Variants in GALT observed in about 807,000 individuals in gnomAD.
GALT encodes the protein galactose-1-phosphate uridylyltransferase.
GALT carries 42 observed loss-of-function variants against 55.4 expected under a neutral mutation model. The ratio of observed to expected loss-of-function variants is 0.76; its 90% CI spans 0.59 to 0.98. The LOEUF (loss-of-function observed/expected upper bound fraction) is 0.98, where lower values mean the gene tolerates loss of function less well. Ranked by LOEUF, GALT falls within the 50% of genes least tolerant of loss-of-function variation. GALT has a pLI of 0.00. For synonymous variants in GALT, 154 were observed against 181.5 expected, an observed-to-expected ratio of 0.85 and a Z score of 1.22; for missense variants, 407 against 495.7, an observed-to-expected ratio of 0.82 and a Z score of 1.70.
In GALT at chr9:34,649,019, A is replaced by C. The variant is rs1328504956; in HGVS notation, c.842A>C (p.Lys281Thr). Residue 281 changes from lysine to threonine, a missense_variant, in exon 9 of 11, where the codon AAG becomes ACG. Lys to Thr is a moderately conservative substitution (Grantham distance 78). Transcript: ENST00000378842. Reference sequence around the variant, plus strand: ...CCAGATCTAGCCTCCATCATGAAGAAGCTCTTGACCAAGTATGACAACCTC... The same window carrying C: ...CCAGATCTAGCCTCCATCATGAAGACGCTCTTGACCAAGTATGACAACCTC... ...ERDDLASIMKKLLTKYDNLFE... is the reference protein window; with the variant it reads ...ERDDLASIMKTLLTKYDNLFE... 9.3e-6 allele frequency: 15 copies of C among 1,614,108 alleles called. No individual in the cohort carries two copies. Among genetic ancestry groups the C allele is most frequent in the Non-Finnish European group, 1.3e-5 (15 of 1,180,006 alleles).
intron 9 of GALT, 72 bp downstream of exon 9, chr9:34,649,153 T>C: frequency 6.8e-7 from 1 of 1,463,262 alleles, no homozygotes; most frequent in Non-Finnish European, 9.6e-7. Flanking sequence ...CCTAGTGAAC[T>C]GCAACCTCAA....
chr9:34,650,456 C>T lies in GALT; in HGVS notation c.*7C>T, dbSNP rs930352624. On this transcript the variant is annotated 3_prime_UTR_variant, in exon 11 of 11. Transcript: ENST00000378842. ...GACAGCAACCATCGCCTGACCACGC[C>T]GACCACAGGGCCTTGAATCCTTTTT... 22 of 1,613,404 alleles carry T rather than the reference C, an allele frequency of 1.4e-5. No homozygotes were observed. The highest frequency in any genetic ancestry group is 1.6e-4 in the Middle Eastern group (1 of 6,084).
Position 34,646,742 on chromosome 9 carries a change from A to T in GALT, c.38A>T (p.Gln13Leu). The T allele has an allele frequency of 6.2e-7, 1 of 1,613,694 alleles. No homozygotes were observed. The highest frequency in any genetic ancestry group is 8.5e-7 in the Non-Finnish European group (1 of 1,179,960). ...GGAACCGATCCTCAGCAACGCCAGC[A>T]GGCGTCAGAGGCGGACGCCGCAGCA... is the stretch of plus-strand genomic sequence containing the variant. ...RSGTDPQQRQQASEADAAAAT... is the reference protein window; with the variant it reads ...RSGTDPQQRQLASEADAAAAT... Residue 13 changes from glutamine (Q) to leucine (L), a missense_variant, in exon 1 of 11, where the codon CAG becomes CTG. Gln to Leu is a moderately radical substitution (Grantham distance 113). Coordinates refer to ENST00000378842, the MANE Select transcript of GALT (RefSeq NM_000155.4).
intron 10 of GALT, 135 bp downstream of exon 10, chr9:34,649,699 G>A (rs1338618142): frequency 9.7e-7 from 1 of 1,035,816 alleles, no homozygotes; most frequent in Non-Finnish European, 1.4e-6. Context: ...GACTGCCAAA[G>A]TTAGGAGCCC....
At chr9:34,649,350 G>A (rs1289920864) in intron 9 of GALT, 60 bp from the exon 10 acceptor site, 1 of 1,609,110 alleles carries the variant, frequency 6.2e-7, no homozygotes, top group Non-Finnish European at 8.5e-7. Context: ...GGGAGTAGGT[G>A]CTAACCTGGA....
Position 34,647,053 on chromosome 9 carries a change from G to A in GALT, c.83-36G>A. ...GAGACCCAGGAGAGAGGGAGCTAGA[G>A]AGCTCTGAGGACTGATCTTGACTGT... On this transcript the variant is annotated intron_variant, in intron 1 of 10. Transcript: ENST00000378842. The surrounding 1 kb of genome is among the most constrained non-coding windows in gnomAD (Gnocchi z 5.6). The A allele has an allele frequency of 6.2e-7, 1 of 1,613,908 alleles. No individual in the cohort carries two copies. The highest frequency in any genetic ancestry group is 8.5e-7 in the Non-Finnish European group (1 of 1,179,950).
Position 34,650,448 on chromosome 9 carries a change from G to A in GALT, c.1139G>A (p.Ter380=), listed in dbSNP as rs749047676. 4.3e-6 allele frequency: 7 copies of A among 1,613,750 alleles called. No individual in the cohort carries two copies. The highest frequency in any genetic ancestry group is 2.2e-5 in the East Asian group (1 of 44,884). The part of the protein sequence containing the change: ...QKDRETATIA[*] ...GACAGGGAGACAGCAACCATCGCCT[G>A]ACCACGCCGACCACAGGGCCTTGAA... The change falls in exon 11 of 11, where the codon TGA becomes TAA. Residue 380 remains the stop codon, a stop_retained_variant. Coordinates refer to ENST00000378842, the MANE Select transcript of GALT (RefSeq NM_000155.4).
rs1200609387 is a variant in GALT at position 34,647,993 on chromosome 9, C to T, written c.507+32C>T. Reference sequence around the variant, plus strand: ...GAGGTCGCCCCTTCCCCTGGATGGGCAGGGAGGGGGTGATGAAGCTTTGGT... The same window carrying T: ...GAGGTCGCCCCTTCCCCTGGATGGGTAGGGAGGGGGTGATGAAGCTTTGGT... On this transcript the variant is annotated intron_variant, in intron 5 of 10. Transcript: ENST00000378842. This position sits in a 1 kb window ranked among gnomAD's most constrained non-coding sequence, Gnocchi z 5.6. 6.2e-7 allele frequency: 1 copy of T among 1,614,170 alleles called. No homozygotes were observed. The highest frequency in any genetic ancestry group is 1.1e-5 in the South Asian group (1 of 91,078).
At chr9:34,650,204 C>A in intron 10 of GALT, 165 bp from the exon 11 acceptor site, 1 of 621,968 alleles carries the variant, frequency 1.6e-6, no homozygotes, top group Non-Finnish European at 2.8e-6. Context: ...CACTTGGGCC[C>A]AGGAGTTTGA....
rs759875751 is a variant in GALT, at chr9:34,647,297, G to A, written c.252+39G>A. 6 of 1,613,020 alleles carry A rather than the reference G, an allele frequency of 3.7e-6. No homozygotes were observed. The highest frequency in any genetic ancestry group is 5.1e-6 in the Non-Finnish European group (6 of 1,179,358). ...GCCCTGCATCTGCAGGCTGGGCCAC[G>A]GGGAGTAGTTCCCTCTTAGAACTGT... On this transcript the variant is annotated intron_variant, in intron 2 of 10. Transcript: ENST00000378842. The surrounding 1 kb of genome is among the most constrained non-coding windows in gnomAD (Gnocchi z 5.6).
chr9:34,649,689 G>T (rs974494512), intron 10 of GALT, 125 bp downstream of exon 10: 4 of 1,166,950 alleles, frequency 3.4e-6, no homozygotes, highest in South Asian at 1.3e-5. Context: ...GGCAGGAAGG[G>T]ACTGCCAAAG....
rs1197254310 is a variant in GALT, at chr9:34,647,736, C to G, written c.377+31C>G. 2 of 1,614,026 alleles carry G rather than the reference C, an allele frequency of 1.2e-6. No homozygotes were observed. Among genetic ancestry groups the G allele is most frequent in the African/African-American group, 2.7e-5 (2 of 74,926 alleles). On this transcript the variant is annotated intron_variant, in intron 4 of 10. Transcript: ENST00000378842. The surrounding 1 kb of genome is among the most constrained non-coding windows in gnomAD (Gnocchi z 5.6). ...TATGGATTTCCCCTCTTACAACTTT[C>G]AAACCAGAGTTGGAGACTCAGCATT...
In GALT at chr9:34,647,799, C is replaced by T. The variant is rs1587238313; in HGVS notation, c.378-33C>T. On this transcript the variant is annotated intron_variant, in intron 4 of 10. Coordinates refer to ENST00000378842, the MANE Select transcript of GALT (RefSeq NM_000155.4). The surrounding 1 kb of genome is among the most constrained non-coding windows in gnomAD (Gnocchi z 5.6). ...TGCCCGTAGCACAGCCAAGCCCTAC[C>T]TCTCGGTTATCTTTTCTCCCGTCAC... 1 of 1,614,190 alleles carries T rather than the reference C, an allele frequency of 6.2e-7. No homozygotes were observed. The highest frequency in any genetic ancestry group is 1.7e-5 in the Admixed American group (1 of 60,028).
intron 10 of GALT, 85 bp downstream of exon 10, chr9:34,649,649 C>T: frequency 6.0e-6 from 9 of 1,502,398 alleles, no homozygotes; most frequent in Admixed American, 1.7e-5. Context: ...CCTTGTGCTC[C>T]AGTCATTGCA....
rs1045647589 is a variant in GALT, at chr9:34,650,809, A to C, written c.*360A>C. ...CATTCCCAGTTTAGGAAACTGTTTTAAAATCTTGTGTCTTGGTTGTGGCTG... is the reference window on the plus strand; with the variant it reads ...CATTCCCAGTTTAGGAAACTGTTTTCAAATCTTGTGTCTTGGTTGTGGCTG... On this transcript the variant is annotated 3_prime_UTR_variant, in exon 11 of 11. Coordinates refer to ENST00000378842, the MANE Select transcript of GALT (RefSeq NM_000155.4). The C allele has an allele frequency of 1.6e-5, 4 of 244,072 alleles. No homozygotes were observed. The highest frequency in any genetic ancestry group is 5.2e-5 in the Admixed American group (1 of 19,232). The allele number at this position is 244,072 out of a possible 1,614,324, so 15.1% of individuals were successfully genotyped here.
At position 34,650,657 on chromosome 9, in the gene GALT, T is replaced by C; in HGVS notation, c.*208T>C. 2 of 581,464 alleles carry C rather than the reference T, an allele frequency of 3.4e-6. No homozygotes were observed. The highest frequency in any genetic ancestry group is 2.1e-5 in the South Asian group (1 of 47,988). 36.0% of individuals were successfully genotyped at this position (581,464 alleles called of 1,614,324 possible). A position where few individuals can be genotyped will look rare whatever the true frequency, so the allele number is the denominator to read the frequency against. ...TAAAAGCTAAAGGCATAGCTCCAGC[T>C]ACAACTTTTCTTTGTCTACAGATGT... On this transcript the variant is annotated 3_prime_UTR_variant, in exon 11 of 11. Transcript: ENST00000378842.
At chr9:34,646,910 C>T in intron 1 of GALT, 124 bp downstream of exon 1, 1 of 1,607,406 alleles carries the variant, frequency 6.2e-7, no homozygotes, top group Non-Finnish European at 8.5e-7. Flanking sequence ...GGCGTACAGT[C>T]TGCAGGCCTG....
intron 9 of GALT, 149 bp downstream of exon 9, chr9:34,649,230 A>C (rs1821192165): frequency 1.7e-6 from 2 of 1,179,310 alleles, no homozygotes; most frequent in South Asian, 2.4e-5. Context: ...CTGAGGGTGG[A>C]GCAGCAAACT....
chr9:34,648,644 G>A lies in GALT; in HGVS notation c.688-118G>A. On this transcript the variant is annotated intron_variant, in intron 7 of 10. Transcript: ENST00000378842. The surrounding 1 kb of genome is among the most constrained non-coding windows in gnomAD (Gnocchi z 4.9). ...GACTCGGGTGGTTAGTGGTAGAGGT[G>A]GTGAGAAGACATCAGATCCTGGGCA... 1.3e-6 allele frequency: 2 copies of A among 1,497,760 alleles called. No homozygotes were observed. Among genetic ancestry groups the A allele is most frequent in the Non-Finnish European group, 1.8e-6 (2 of 1,082,388 alleles). 92.8% of individuals were successfully genotyped at this position (1,497,760 alleles called of 1,614,324 possible).
Sources: allele counts gnomAD v4.1 joint callset, GRCh38; gene constraint gnomAD v4.1.1; non-coding constraint Gnocchi (gnomAD v3.1); transcripts MANE v1.5; gene names NCBI Gene and HGNC (gene_info 2026-07-23, HGNC 2026-07-21).